PLXDC2: variants seen among roughly 807,000 people sequenced by gnomAD.
PLXDC2 encodes plexin domain containing 2.
Under a neutral mutation model 68.9 loss-of-function variants are expected in PLXDC2, and 40 were observed. The ratio of observed to expected loss-of-function variants is 0.58; its 90% confidence interval spans 0.45 to 0.76. The LOEUF (loss-of-function observed/expected upper bound fraction) is 0.76. PLXDC2 is among the 30% of genes least tolerant of loss of function. The probability of loss-of-function intolerance (pLI) is 0.00; values close to 1 mark genes in which losing one functional copy is unlikely to be tolerated. For synonymous variants in PLXDC2, 243 were observed against 234.2 expected (o/e 1.04, Z -0.34); for missense variants, 644 against 661.9 (o/e 0.97, Z 0.30).
At chr10:20,074,188 T>C (rs1836393206) in intron 4 of PLXDC2, among the ~76,000 whole-genome samples, 1 of 152,140 alleles carries the variant, frequency 6.6e-6, no homozygotes, top group Admixed American at 6.5e-5. Context: ...ACCTTGATCA[T>C]AGGAAGAATT....
chr10:20,220,940 T>A (rs1835203032), intron 12 of PLXDC2, among the ~76,000 whole-genome samples: 1 of 149,990 alleles, frequency 6.7e-6, no homozygotes, highest in South Asian at 2.1e-4. Context: ...TCTCCTGGGT[T>A]CAAGCAATTC....
chr10:19,821,632 T>C (rs543716127), intron 1 of PLXDC2, among the ~76,000 whole-genome samples: 1 of 152,366 alleles, frequency 6.6e-6, no homozygotes, highest in African/African-American at 2.4e-5. Context: ...ACTAGAACTA[T>C]AGTTCAAGCT....
chr10:19,940,059 A>G lies in PLXDC2; in HGVS notation c.113-61716A>G, dbSNP rs921729463. On this transcript the variant is annotated intron_variant, in intron 1 of 13. Transcript: ENST00000377252. ...AAATTCAAATTTTTAGTAATTTCAA[A>G]GAGTTTAGGTGATTTAATATAGTCA... is the stretch of plus-strand genomic sequence containing the variant. 2.0e-5 allele frequency among the ~76,000 whole-genome samples: 3 copies of G among 151,828 alleles called. 1 individual carries two copies. Among genetic ancestry groups the G allele is most frequent in the African/African-American group, 7.3e-5 (3 of 41,156 alleles).
chr10:19,877,862 T>A (rs1837661417), intron 1 of PLXDC2, among the ~76,000 whole-genome samples: 1 of 152,248 alleles, frequency 6.6e-6, no homozygotes, highest in African/African-American at 2.4e-5. Context: ...TCCCTCTTAT[T>A]TGGTCCTCAA....
intron 1 of PLXDC2, among the ~76,000 whole-genome samples, chr10:19,969,491 A>G (rs928088697): frequency 6.6e-6 from 1 of 152,222 alleles, no homozygotes; most frequent in African/African-American, 2.4e-5. Flanking sequence ...AAAGACATAA[A>G]TTGCTAACAT....
intron 1 of PLXDC2, among the ~76,000 whole-genome samples, chr10:19,918,290 T>A (rs1434738158): frequency 6.6e-6 from 1 of 152,214 alleles, no homozygotes; most frequent in African/African-American, 2.4e-5. Flanking sequence ...CACCCATTCT[T>A]TTCAAAAGAA....
chr10:20,201,881 A>G (rs968260516), intron 9 of PLXDC2, among the ~76,000 whole-genome samples: 3 of 152,154 alleles, frequency 2.0e-5, no homozygotes, highest in African/African-American at 7.2e-5. Context: ...CATTGGTACA[A>G]GTAAATATGC....
chr10:20,044,213 CTTTCTTTCTTTCTT>C lies in PLXDC2; in HGVS notation c.325-2654_325-2641del, dbSNP rs1564293877. ...TCTTTCTCTCTCTCTCTCTCTCTGT[CTTTCTTTCTTTCTT>C]TCTTTCTTTCTTTCTTTCTTTCTTT... On this transcript the variant is annotated intron_variant, in intron 2 of 13. Transcript: ENST00000377252. Among the ~76,000 whole-genome samples, 43 of 6,616 alleles carry C rather than the reference CTTTCTTTCTTTCTT, an allele frequency of 6.5e-3. 1 individual carries two copies. The highest frequency in any genetic ancestry group is 0.071 in the Middle Eastern group (1 of 14). The allele number at this position is 6,616 out of a possible 152,430, so 4.3% of individuals were successfully genotyped here.
chr10:19,944,278 T>A (rs552034409), intron 1 of PLXDC2, among the ~76,000 whole-genome samples: 15 of 152,242 alleles, frequency 9.9e-5, no homozygotes, highest in African/African-American at 3.4e-4. Flanking sequence ...AGATTAAGAA[T>A]CTGCTTTTTT....
At chr10:20,005,219 C>G (rs1183845883) in intron 2 of PLXDC2, among the ~76,000 whole-genome samples, 1 of 152,168 alleles carries the variant, frequency 6.6e-6, no homozygotes, top group Non-Finnish European at 1.5e-5. Flanking sequence ...TGATTTTGAA[C>G]AGCAGCAGCC....
chr10:20,125,648 C>T (rs560028428), intron 4 of PLXDC2, among the ~76,000 whole-genome samples: 1 of 152,240 alleles, frequency 6.6e-6, no homozygotes, highest in Admixed American at 6.5e-5. Context: ...GAGAGAGCCT[C>T]TATAGAGCTC....
At chr10:19,941,023 A>G (rs1235988274) in intron 1 of PLXDC2, among the ~76,000 whole-genome samples, 1 of 152,246 alleles carries the variant, frequency 6.6e-6, no homozygotes, top group African/African-American at 2.4e-5. Flanking sequence ...TAATAAAAGC[A>G]GAATTCAAAT....
intron 1 of PLXDC2, among the ~76,000 whole-genome samples, chr10:19,932,787 G>A (rs1051360256): frequency 2.0e-5 from 3 of 152,176 alleles, no homozygotes; most frequent in African/African-American, 4.8e-5. Flanking sequence ...GTTTGAACAC[G>A]ACACTTTCCA....
At chr10:20,237,853 T>C (rs1835454602) in intron 12 of PLXDC2, among the ~76,000 whole-genome samples, 1 of 152,310 alleles carries the variant, frequency 6.6e-6, no homozygotes, top group East Asian at 1.9e-4. Context: ...TGGGCTGCAG[T>C]GTTTCATTTT....
intron 9 of PLXDC2, among the ~76,000 whole-genome samples, chr10:20,209,092 C>T (rs545993774): frequency 8.6e-4 from 131 of 152,182 alleles, no homozygotes; most frequent in African/African-American, 2.9e-3. Context: ...GTTTCGGGCA[C>T]GCATTGTCAT....
In PLXDC2 at chr10:20,284,910, C is replaced by A. The variant is rs1346942475; in HGVS notation, c.*5091C>A. 3 of 152,130 alleles carry A rather than the reference C, an allele frequency of 2.0e-5. No individual in the cohort carries two copies. 9.4% of individuals were successfully genotyped at this position (152,130 alleles called of 1,614,324 possible). Reference sequence around the variant, plus strand: ...AGGAGGCTGCTATTGTTGCAATATCCAGAGATTTCAAGTTCTAGCCATTGC... The same window carrying A: ...AGGAGGCTGCTATTGTTGCAATATCAAGAGATTTCAAGTTCTAGCCATTGC... On this transcript the variant is annotated 3_prime_UTR_variant, in exon 14 of 14. Coordinates refer to ENST00000377252, the MANE Select transcript of PLXDC2 (RefSeq NM_032812.9).
chr10:20,155,056 T>C (rs1834200459), intron 6 of PLXDC2, among the ~76,000 whole-genome samples: 1 of 152,178 alleles, frequency 6.6e-6, no homozygotes, highest in Non-Finnish European at 1.5e-5. Flanking sequence ...TCTATTCTAT[T>C]TAAGTATTTA....
intron 4 of PLXDC2, among the ~76,000 whole-genome samples, chr10:20,082,966 T>C (rs962152278): frequency 6.6e-6 from 1 of 152,148 alleles, no homozygotes; most frequent in African/African-American, 2.4e-5. Context: ...TATGTATGTA[T>C]GTATGTGTAC....
intron 1 of PLXDC2, among the ~76,000 whole-genome samples, chr10:19,861,824 T>C (rs1386773135): frequency 6.6e-6 from 1 of 152,182 alleles, no homozygotes; most frequent in Non-Finnish European, 1.5e-5. Context: ...TGCTAATATC[T>C]CCATTGGACT....
Sources: gnomAD v4.1 joint callset for allele counts (sites outside exome capture counted in the v4.1 genomes callset) on GRCh38, gnomAD v4.1.1 for gene constraint, MANE v1.5 for transcripts, NCBI Gene and HGNC (gene_info 2026-07-23, HGNC 2026-07-21) for gene names.